SORCS1: variants seen among roughly 807,000 people sequenced by gnomAD.
SORCS1 encodes the protein VPS10 domain-containing receptor SorCS1.
A neutral mutation model predicts 146.1 loss-of-function variants in SORCS1; 60 were observed. The observed-to-expected ratio is 0.41, with a 90% CI of 0.33 to 0.51. The LOEUF (loss-of-function observed/expected upper bound fraction) is 0.51, where lower values mean the gene tolerates loss of function less well. Among genes scored for constraint, SORCS1 ranks in the 20% least tolerant of loss-of-function variants. The pLI, the probability that SORCS1 is intolerant of heterozygous loss-of-function variation, is 0.21. For missense variants in SORCS1, 1,352 were observed against 1,487.6 expected (o/e 0.91, Z 1.50); for synonymous variants, 637 against 584.0 (o/e 1.09, Z -1.31).
intron 1 of SORCS1, among the ~76,000 whole-genome samples, chr10:107,082,150 C>A (rs913118915): frequency 6.7e-6 from 1 of 148,642 alleles, no homozygotes; most frequent in Non-Finnish European, 1.5e-5. Flanking sequence ...CCTGCACTTT[C>A]GGAAACTCTC....
rs1378417466 is a variant in SORCS1 at position 106,986,538 on chromosome 10, G to GTA, written c.559-29959_559-29958insTA. On this transcript the variant is annotated intron_variant, in intron 1 of 25. Coordinates refer to ENST00000263054, the MANE Select transcript of SORCS1 (RefSeq NM_052918.5). Reference sequence around the variant, plus strand: ...TGTGTGTGTGTGTGTGTGTGTGTGTGTGTGTGTGTGTCTGTGAGTGTGTAA... The same window carrying GTA: ...TGTGTGTGTGTGTGTGTGTGTGTGTGTATGTGTGTGTGTCTGTGAGTGTGTAA... Among the ~76,000 whole-genome samples the GTA allele has an allele frequency of 2.0e-4, 30 of 150,404 alleles. No individual in the cohort carries two copies. The East Asian group carries it at 5.8e-3, about 29-fold the overall frequency.
At chr10:106,632,217 T>C (rs1027528400) in intron 18 of SORCS1, among the ~76,000 whole-genome samples, 13 of 152,222 alleles carry the variant, frequency 8.5e-5, no homozygotes, top group African/African-American at 2.2e-4. Flanking sequence ...ATAGGCCTCT[T>C]GGCTTGGACT....
chr10:106,684,810 C>T (rs1394176959), intron 10 of SORCS1, among the ~76,000 whole-genome samples: 1 of 152,220 alleles, frequency 6.6e-6, no homozygotes, highest in African/African-American at 2.4e-5. Context: ...TCATCTCTGC[C>T]ACCAGCTCCC....
intron 2 of SORCS1, among the ~76,000 whole-genome samples, chr10:106,865,226 G>C (rs969358263): frequency 6.6e-6 from 1 of 151,928 alleles, no homozygotes; most frequent in Non-Finnish European, 1.5e-5. Context: ...CTCCCAACCC[G>C]GATCTCCAGC....
chr10:106,849,747 T>C (rs541703270), intron 2 of SORCS1, among the ~76,000 whole-genome samples: 58 of 151,600 alleles, frequency 3.8e-4, no homozygotes, highest in Non-Finnish European at 4.1e-4. Flanking sequence ...ATGATGGTGA[T>C]GTACAGATGG....
At chr10:107,154,792 T>C (rs766419144) in intron 1 of SORCS1, among the ~76,000 whole-genome samples, 4 of 152,222 alleles carry the variant, frequency 2.6e-5, no homozygotes, top group East Asian at 1.9e-4. Flanking sequence ...CTAACCCTTA[T>C]TGATGATTTA....
intron 4 of SORCS1, among the ~76,000 whole-genome samples, chr10:106,764,579 C>T (rs757920542): frequency 2.0e-5 from 3 of 152,184 alleles, no homozygotes; most frequent in Admixed American, 2.0e-4. Flanking sequence ...ACTATCATTA[C>T]TATCTGTCAC....
At chr10:106,680,334 G>C (rs1391383932) in intron 10 of SORCS1, among the ~76,000 whole-genome samples, 1 of 152,216 alleles carries the variant, frequency 6.6e-6, no homozygotes, top group East Asian at 1.9e-4. Context: ...AGCCAGGAGA[G>C]AAGGTCAAGT....
At chr10:107,056,513 A>G (rs1401655281) in intron 1 of SORCS1, among the ~76,000 whole-genome samples, 2 of 152,212 alleles carry the variant, frequency 1.3e-5, no homozygotes, top group African/African-American at 4.8e-5. Context: ...TGTATTCTGG[A>G]GGCACAGAAA....
At chr10:106,820,967 C>G (rs1378473913) in intron 3 of SORCS1, among the ~76,000 whole-genome samples, 3 of 152,108 alleles carry the variant, frequency 2.0e-5, no homozygotes. Context: ...CCAGCCAGAC[C>G]TCAGAGAACA....
At chr10:106,707,908 T>G (rs1053151476) in intron 7 of SORCS1, among the ~76,000 whole-genome samples, 3 of 152,184 alleles carry the variant, frequency 2.0e-5, no homozygotes, top group African/African-American at 7.2e-5. Flanking sequence ...AATGCGCATG[T>G]TCATCACATT....
rs144444892 is a variant in SORCS1, at chr10:107,012,158, A to G, written c.559-55578T>C. Among the ~76,000 whole-genome samples the G allele has an allele frequency of 1.7e-3, 255 of 152,220 alleles. 3 individuals are homozygous for G. The highest frequency in any genetic ancestry group is 5.8e-3 in the African/African-American group (241 of 41,534). ...GACTGAAACAGGGACATTTTTGCTT[A>G]GTTGCAATTTCACGCTTTCCTTCCA... On this transcript the variant is annotated intron_variant, in intron 1 of 25. Transcript: ENST00000263054.
At chr10:106,712,610 G>GAATT (rs149377939) in intron 6 of SORCS1, among the ~76,000 whole-genome samples, 3,430 of 152,192 alleles carry the variant, frequency 0.023, 111 homozygotes, top group African/African-American at 0.07. Flanking sequence ...TTAGCTGTAA[G>GAATT]AATTAAAATA....
At chr10:106,943,878 TC>T (rs1954178119) in intron 2 of SORCS1, among the ~76,000 whole-genome samples, 1 of 152,116 alleles carries the variant, frequency 6.6e-6, no homozygotes, top group African/African-American at 2.4e-5. Context: ...ATTGTCTTCC[TC>T]CGTCTTCTCC....
At chr10:107,165,076 C>T (rs1041236036), upstream of SORCS1, among the ~76,000 whole-genome samples, 1 of 152,066 alleles carries the variant, frequency 6.6e-6, no homozygotes, top group African/African-American at 2.4e-5. The surrounding 1 kb of genome is among the most constrained non-coding windows in gnomAD (Gnocchi z 4.0). Context: ...TTTATTGTTT[C>T]TATGAGTCTA....
intron 1 of SORCS1, among the ~76,000 whole-genome samples, chr10:107,043,726 C>A (rs565282429): frequency 9.2e-5 from 14 of 152,284 alleles, no homozygotes; most frequent in African/African-American, 3.4e-4. Flanking sequence ...CCACCACCAG[C>A]CCCTTCTGCC....
intron 18 of SORCS1, among the ~76,000 whole-genome samples, chr10:106,641,956 C>T (rs1201348869): frequency 2.0e-5 from 3 of 152,024 alleles, no homozygotes; most frequent in Non-Finnish European, 4.4e-5. Flanking sequence ...TAAAGTAAGT[C>T]CATTAATGAA....
chr10:106,903,882 T>C (rs1312269226), intron 2 of SORCS1, among the ~76,000 whole-genome samples: 4 of 152,208 alleles, frequency 2.6e-5, no homozygotes, highest in African/African-American at 9.6e-5. Context: ...TTTGCCTGTT[T>C]ATTGTGGTCT....
At chr10:107,096,914 G>A (rs1565037469) in intron 1 of SORCS1, among the ~76,000 whole-genome samples, 1 of 152,108 alleles carries the variant, frequency 6.6e-6, no homozygotes, top group African/African-American at 2.4e-5. Flanking sequence ...TTTTCATGTA[G>A]ATTGCCCATC....
Sources: allele counts gnomAD v4.1 joint callset (sites outside exome capture counted in the v4.1 genomes callset), GRCh38; gene constraint gnomAD v4.1.1; non-coding constraint Gnocchi (gnomAD v3.1); transcripts MANE v1.5; gene names NCBI Gene and HGNC (gene_info 2026-07-23, HGNC 2026-07-21).